The following BCORL1 variants were observed in gnomAD, a reference collection of about 807,000 sequenced individuals.
The protein encoded by BCORL1 is BCL6 corepressor like 1.
In BCORL1, 7 loss-of-function variants were observed where a neutral mutation model predicts 87.6. The observed-to-expected ratio is 0.08, with a 90% CI of 0.05 to 0.15. BCORL1 has a LOEUF of 0.15. Ranked by LOEUF, BCORL1 falls within the 10% of genes least tolerant of loss-of-function variation. The pLI is 1.00. For synonymous variants in BCORL1, 591 were observed against 634.4 expected (o/e 0.93, Z 1.03); for missense variants, 1,215 against 1,499.7 (o/e 0.81, Z 3.13).
Position 130,015,367 on chromosome X carries a change from T to C in BCORL1, c.2595T>C (p.Val865=), listed in dbSNP as rs890348656. ...SQGAPIRPTS[V]VSEFSGVPSL... ...GGGCGCCCATCAGGCCCACCAGCGT[T>C]GTTTCGGAGTTTTCTGGTGTGCCAT... The change falls in exon 4 of 14, where the codon GTT becomes GTC. Residue 865 remains valine (V), a synonymous_variant. Transcript: ENST00000540052. The C allele has an allele frequency of 2.1e-5, 26 of 1,210,657 alleles. No homozygotes were observed. Among genetic ancestry groups the C allele is most frequent in the Non-Finnish European group, 2.8e-5 (25 of 895,396 alleles).
chrX:129,982,161 C>G (rs1926158166), upstream of BCORL1, among the ~76,000 whole-genome samples: 1 of 108,933 alleles, frequency 9.2e-6, no homozygotes, highest in South Asian at 4.1e-4. Context: ...GCTCACTGAC[C>G]CTCTCCCTTC....
intron 2 of BCORL1, among the ~76,000 whole-genome samples, chrX:130,010,201 G>C (rs1390010398): frequency 1.8e-5 from 2 of 111,405 alleles, no homozygotes; most frequent in East Asian, 5.7e-4. Flanking sequence ...ACTCCCTTTT[G>C]TATGGCCAGG....
rs150969957 is a variant in BCORL1, at chrX:130,013,388, C to T, written c.616C>T (p.Pro206Ser). ...TCCTCTGCCAGCCCCTATCTGTCCC[C>T]CTGCTCCCGGTTCGGCCTCTGTGCC... ...FSPLPAPICP[P>S]APGSASVPHS... The change falls in exon 4 of 14, where the codon CCT (proline) becomes TCT (serine). Residue 206 changes from proline (P) to serine (S), a missense_variant. Physicochemically the swap from Pro to Ser is moderately conservative, Grantham distance 74 (BLOSUM62 -1). Around this residue, in one of 5 missense-constraint regions of BCORL1, gnomAD observed 861 missense variants for 1,010.0 expected, o/e 0.85. Coordinates refer to ENST00000540052, the MANE Select transcript of BCORL1 (RefSeq NM_001379451.1). 10 of 1,211,312 alleles carry T rather than the reference C, an allele frequency of 8.3e-6. No homozygotes were observed. In the Admixed American group the frequency reaches 1.1e-4, roughly 13 times the overall value.
intron 6 of BCORL1, among the ~76,000 whole-genome samples, chrX:130,024,367 C>G (rs766348605): frequency 2.7e-5 from 3 of 111,092 alleles, no homozygotes; most frequent in Non-Finnish European, 5.7e-5. Context: ...GTGGGCGTGC[C>G]TGGGTGCATT....
chrX:129,988,062 A>G (rs1370295333), intron 1 of BCORL1, among the ~76,000 whole-genome samples: 1 of 111,766 alleles, frequency 8.9e-6, no homozygotes, highest in Non-Finnish European at 1.9e-5. Flanking sequence ...TGGAGTTTGA[A>G]TTAGGTGTGA....
rs763439988 is a variant in BCORL1 at position 130,015,357 on chromosome X, C to A, written c.2585C>A (p.Pro862His). Residue 862 changes from proline to histidine, a missense_variant, in exon 4 of 14, where the codon CCC (proline) becomes CAC (histidine). By Grantham distance (77) the Pro-to-His change is moderately conservative. Transcript: ENST00000540052. ...CCCAGTCAGGGGGCGCCCATCAGGC[C>A]CACCAGCGTTGTTTCGGAGTTTTCT... Reference protein sequence around the residue: ...LTPSQGAPIRPTSVVSEFSGV... With the variant: ...LTPSQGAPIRHTSVVSEFSGV... 6 of 1,210,567 alleles carry A rather than the reference C, an allele frequency of 5.0e-6. No homozygotes were observed. The African/African-American group carries it at 7.0e-5, about 14-fold the overall frequency.
intron 1 of BCORL1, among the ~76,000 whole-genome samples, chrX:129,990,253 A>T (rs947724187): frequency 9.1e-6 from 1 of 110,489 alleles, no homozygotes; most frequent in Non-Finnish European, 1.9e-5. Flanking sequence ...CTTTTTTGAG[A>T]TGGAGTCTCG....
At chrX:130,040,559 G>A (rs2124542705) in intron 11 of BCORL1, among the ~76,000 whole-genome samples, 1 of 112,322 alleles carries the variant, frequency 8.9e-6, no homozygotes, top group South Asian at 3.7e-4. Context: ...CCAGGCTGGG[G>A]GCAGGATGGC....
At chrX:129,987,311 C>T (rs762691000) in intron 1 of BCORL1, among the ~76,000 whole-genome samples, 1 of 111,228 alleles carries the variant, frequency 9.0e-6, no homozygotes, top group South Asian at 3.7e-4. Context: ...GGTTAAAATG[C>T]AGAATGTGAG....
rs775310265 is a variant in BCORL1 at position 129,995,586 on chromosome X, G to A, written c.-44-9602G>A. Among the ~76,000 whole-genome samples, 42 of 110,459 alleles carry A rather than the reference G, an allele frequency of 3.8e-4. No homozygotes were observed. In the South Asian group the frequency reaches 0.016, roughly 42 times the overall value. ...CTCCCGAGTAGCTGGGATTACAGGC[G>A]CACACCACCATGCCCAGCTAATTTT... On this transcript the variant is annotated intron_variant, in intron 1 of 13. Coordinates refer to ENST00000540052, the MANE Select transcript of BCORL1 (RefSeq NM_001379451.1).
intron 1 of BCORL1, among the ~76,000 whole-genome samples, chrX:129,986,507 A>G (rs1286692107): frequency 1.8e-5 from 2 of 112,188 alleles, no homozygotes; most frequent in African/African-American, 3.2e-5. Flanking sequence ...TGCTTCATTT[A>G]TGATGCAGTT....
chrX:129,986,675 C>G (rs929233877), intron 1 of BCORL1, among the ~76,000 whole-genome samples: 1 of 110,589 alleles, frequency 9.0e-6, no homozygotes. Flanking sequence ...AAAAATTAGC[C>G]AGGTGTGGTG....
In BCORL1 at chrX:130,056,181, C is replaced by T. The variant is rs1932380555; in HGVS notation, c.*45C>T. 9.2e-7 allele frequency: 1 copy of T among 1,090,923 alleles called. No homozygotes were observed. Among genetic ancestry groups the T allele is most frequent in the Admixed American group, 3.3e-5 (1 of 30,075 alleles). The allele number at this position is 1,090,923 out of a possible 1,213,427, so 89.9% of individuals were successfully genotyped here. ...TCTTCTTTCTCCTTCCGAGTTCGCC[C>T]TTCCCCCACCTCCTTGTCTTTCCCC... On this transcript the variant is annotated 3_prime_UTR_variant, in exon 14 of 14. Transcript: ENST00000540052.
At chrX:130,002,798 T>G (rs1603087819) in intron 1 of BCORL1, among the ~76,000 whole-genome samples, 4 of 95,789 alleles carry the variant, frequency 4.2e-5, no homozygotes, top group African/African-American at 7.9e-5. Context: ...GAGAGATGGG[T>G]AGGGGGATGA....
chrX:130,013,355 A>G lies in BCORL1; in HGVS notation c.583A>G (p.Asn195Asp), dbSNP rs200001331. The G allele has an allele frequency of 9.1e-6, 11 of 1,208,944 alleles. No homozygotes were observed. The African/African-American group carries it at 1.8e-4, about 19-fold the overall frequency. Reference protein sequence around the residue: ...VEGTLPLVTTNFSPLPAPICP... With the variant: ...VEGTLPLVTTDFSPLPAPICP... ...GGGGACCCTGCCCCTGGTTACCACT[A>G]ACTTCAGTCCTCTGCCAGCCCCTAT... is the stretch of plus-strand genomic sequence containing the variant. Residue 195 changes from asparagine (N) to aspartate (D), a missense_variant, in exon 4 of 14, where the codon AAC becomes GAC. Coordinates refer to ENST00000540052, the MANE Select transcript of BCORL1 (RefSeq NM_001379451.1).
chrX:129,987,525 G>A (rs1432742477), intron 1 of BCORL1, among the ~76,000 whole-genome samples: 2 of 111,767 alleles, frequency 1.8e-5, no homozygotes, highest in Non-Finnish European at 3.8e-5. Context: ...CTGAATGGGG[G>A]GAGGGATTCA....
chrX:130,052,544 G>T (rs138268604), intron 13 of BCORL1, among the ~76,000 whole-genome samples: 1 of 112,265 alleles, frequency 8.9e-6, no homozygotes, highest in East Asian at 2.8e-4. Flanking sequence ...TTTATTTAAG[G>T]AGACTAGAAT....
intron 4 of BCORL1, among the ~76,000 whole-genome samples, chrX:130,017,648 T>C (rs1361181222): frequency 1.9e-5 from 2 of 106,649 alleles, no homozygotes; most frequent in Non-Finnish European, 3.9e-5. Flanking sequence ...CTCTTTTTGT[T>C]TTTTTTTTTT....
chrX:129,996,679 C>T lies in BCORL1; in HGVS notation c.-44-8509C>T, dbSNP rs749037235. 7.4e-4 allele frequency among the ~76,000 whole-genome samples: 83 copies of T among 111,644 alleles called. 1 individual carries two copies. Among genetic ancestry groups the T allele is most frequent in the Admixed American group, 3.8e-4 (4 of 10,504 alleles). On this transcript the variant is annotated intron_variant, in intron 1 of 13. Coordinates refer to ENST00000540052, the MANE Select transcript of BCORL1 (RefSeq NM_001379451.1). ...TGTCACCCAGGCTAGAGTACGGTGG[C>T]GTGATCTTAGCTCACTGTGGGCTTG...
Sources: allele counts gnomAD v4.1 joint callset (sites outside exome capture counted in the v4.1 genomes callset), GRCh38; gene constraint gnomAD v4.1.1; regional missense constraint gnomAD v4.1.1; transcripts MANE v1.5; gene names NCBI Gene and HGNC (gene_info 2026-07-23, HGNC 2026-07-21).